The following RICTOR variants were observed in gnomAD, a reference collection of about 807,000 sequenced individuals.
RICTOR encodes rapamycin-insensitive companion of mTOR.
RICTOR carries 49 observed loss-of-function variants against 214.9 expected under a neutral mutation model. That is an observed-to-expected ratio of 0.23 (90% confidence interval 0.18 to 0.29). The LOEUF is 0.29. RICTOR is among the 10% of genes least tolerant of loss of function. The pLI is 1.00. For synonymous variants in RICTOR, 717 were observed against 711.3 expected, an observed-to-expected ratio of 1.01 and a Z score of -0.13; for missense variants, 1,625 against 2,047.0, an observed-to-expected ratio of 0.79 and a Z score of 3.98.
intron 3 of RICTOR, among the ~76,000 whole-genome samples, chr5:39,017,490 T>C (rs190529384): frequency 5.3e-5 from 8 of 152,204 alleles, no homozygotes; most frequent in Admixed American, 4.6e-4. Context: ...TACATGCCCA[T>C]ACTTTTGAAA....
intron 2 of RICTOR, among the ~76,000 whole-genome samples, chr5:39,065,556 A>G (rs1020937544): frequency 6.6e-6 from 1 of 152,182 alleles, no homozygotes; most frequent in African/African-American, 2.4e-5. Context: ...ATTAACTCTG[A>G]AGTCCAAAGT....
At chr5:39,006,766 G>T (rs1349041193) in intron 3 of RICTOR, among the ~76,000 whole-genome samples, 1 of 92,150 alleles carries the variant, frequency 1.1e-5, no homozygotes, top group African/African-American at 4.9e-5. Flanking sequence ...GGGAGAGGAG[G>T]GGAGAGGAGA....
chr5:38,962,320 T>A lies in RICTOR; in HGVS notation c.1710A>T (p.Leu570Phe). ...VNLRNYKDEQ[L>F]HRFVRRLLYF... ...GCAAAATAGTTCTTACATACCTGTG[T>A]AACTGTTCATCTTTATAGTTTCTTA... Residue 570 changes from leucine to phenylalanine, a missense_variant, in exon 19 of 38, where the codon TTA (leucine) becomes TTT (phenylalanine). Coordinates refer to ENST00000357387, the MANE Select transcript of RICTOR (RefSeq NM_152756.5). 7.1e-7 allele frequency: 1 copy of A among 1,414,018 alleles called. No individual in the cohort carries two copies. Among genetic ancestry groups the A allele is most frequent in the African/African-American group, 1.4e-5 (1 of 69,694 alleles). The allele number at this position is 1,414,018 out of a possible 1,614,324, so 87.6% of individuals were successfully genotyped here.
At chr5:38,942,444 A>G (rs1747672668) in intron 37 of RICTOR, 66 bp from the exon 38 acceptor site, 2 of 897,062 alleles carry the variant, frequency 2.2e-6, no homozygotes, top group South Asian at 2.3e-5. Context: ...TATTTATATA[A>G]ATATCTAATT....
At chr5:39,011,486 C>A (rs990243943) in intron 3 of RICTOR, among the ~76,000 whole-genome samples, 3 of 152,188 alleles carry the variant, frequency 2.0e-5, no homozygotes, top group Non-Finnish European at 4.4e-5. Context: ...CCACTATCCT[C>A]CAGACCCCAG....
intron 2 of RICTOR, among the ~76,000 whole-genome samples, chr5:39,064,971 C>G (rs952240681): frequency 5.3e-5 from 8 of 152,172 alleles, no homozygotes; most frequent in Non-Finnish European, 1.2e-4. Context: ...CAGATTAAAG[C>G]AGAACCTCGT....
chr5:39,070,952 C>CCAT (rs1366403648), intron 2 of RICTOR, among the ~76,000 whole-genome samples: 9 of 152,182 alleles, frequency 5.9e-5, no homozygotes, highest in Admixed American at 2.6e-4. Context: ...CTCAGAGCAA[C>CCAT]CATTACCAAT....
chr5:39,003,016 C>T (rs538461605), intron 4 of RICTOR, among the ~76,000 whole-genome samples: 5 of 152,150 alleles, frequency 3.3e-5, no homozygotes, highest in African/African-American at 9.6e-5. Context: ...TCTCTACAAT[C>T]GAATATCCTC....
At chr5:38,994,533 C>G (rs1243521577) in intron 6 of RICTOR, among the ~76,000 whole-genome samples, 1 of 147,834 alleles carries the variant, frequency 6.8e-6, no homozygotes, top group Non-Finnish European at 1.5e-5. Context: ...CAAATGTGCT[C>G]TCACTCTAAC....
chr5:38,947,375 A>G lies in RICTOR; in HGVS notation c.4203T>C (p.Asn1401=). ...KEDLLSPINQ[N]TLQRSSSVRS... ...GCACTGAGGAAGATCGTTGCAGGGT[A>G]TTTTGATTAATAGGACTCAATAAAT... The change falls in exon 32 of 38, where the codon AAT becomes AAC. Residue 1401 remains asparagine (N), a synonymous_variant. Coordinates refer to ENST00000357387, the MANE Select transcript of RICTOR (RefSeq NM_152756.5). 1 of 1,611,872 alleles carries G rather than the reference A, an allele frequency of 6.2e-7. No individual in the cohort carries two copies. The highest frequency in any genetic ancestry group is 8.5e-7 in the Non-Finnish European group (1 of 1,178,110).
Position 38,950,605 on chromosome 5 carries a change from A to G in RICTOR, c.3243T>C (p.Asp1081=). 2 of 1,613,274 alleles carry G rather than the reference A, an allele frequency of 1.2e-6. No homozygotes were observed. Among genetic ancestry groups the G allele is most frequent in the Non-Finnish European group, 1.7e-6 (2 of 1,179,446 alleles). The change falls in exon 31 of 38, where the codon GAT becomes GAC. Residue 1081 remains aspartate (D), a synonymous_variant. Transcript: ENST00000357387. ...TFYDRSGPIK[D]KNSFPFFASS... is the part of the protein sequence containing the mutation. ...AAGCAAAGAAAGGGAATGAATTTTT[A>G]TCCTTTATGGGTCCAGATCGGTCAT...
At chr5:38,976,304 G>A (rs1187214126) in intron 9 of RICTOR, among the ~76,000 whole-genome samples, 2 of 21,602 alleles carry the variant, frequency 9.3e-5, no homozygotes, top group South Asian at 1.2e-3. Flanking sequence ...TTTTTCCTGT[G>A]CCACCTTTTT....
In RICTOR at chr5:38,939,944, T is replaced by C. The variant is rs2112753097; in HGVS notation, c.*2360A>G. ...ATAAAGTCTACTTTTTACAAACAAG[T>C]ACTCAAAGAAAATGTATTAGACCTG... On this transcript the variant is annotated 3_prime_UTR_variant, in exon 38 of 38. Transcript: ENST00000357387. 4.4e-6 allele frequency: 1 copy of C among 228,380 alleles called. No homozygotes were observed. Among genetic ancestry groups the C allele is most frequent in the South Asian group, 1.8e-4 (1 of 5,478 alleles). 14.1% of individuals were successfully genotyped at this position (228,380 alleles called of 1,614,324 possible).
Position 38,946,497 on chromosome 5 carries a change from C to A in RICTOR, c.4370G>T (p.Gly1457Val). Residue 1457 changes from glycine (G) to valine (V), a missense_variant, in exon 33 of 38, where the codon GGT becomes GTT. By Grantham distance (109) the Gly-to-Val change is moderately radical (BLOSUM62 -3). Coordinates refer to ENST00000357387, the MANE Select transcript of RICTOR (RefSeq NM_152756.5). ...TKNIPPHDDR[G>V]ARAFAHDAGG... ...TGCATCATGGGCAAATGCTCTTGCA[C>A]CTCGATCATCATGTGGTGGTATGTT... 1 of 1,611,662 alleles carries A rather than the reference C, an allele frequency of 6.2e-7. No individual in the cohort carries two copies. Among genetic ancestry groups the A allele is most frequent in the Non-Finnish European group, 8.5e-7 (1 of 1,177,922 alleles).
chr5:38,990,717 T>TCATATATATATCA (rs1314731565), intron 7 of RICTOR, among the ~76,000 whole-genome samples: 3 of 128,550 alleles, frequency 2.3e-5, no homozygotes, highest in African/African-American at 8.4e-5. Flanking sequence ...ATGATATATA[T>TCATATATATATCA]GATATATATC....
chr5:39,066,223 C>CTTA (rs1758895365), intron 2 of RICTOR, among the ~76,000 whole-genome samples: 1 of 152,260 alleles, frequency 6.6e-6, no homozygotes, highest in Non-Finnish European at 1.5e-5. Context: ...GCCATCAAGT[C>CTTA]TTATGGCTTG....
rs538096410 is a variant in RICTOR at position 38,997,213 on chromosome 5, T to G, written c.393-331A>C. On this transcript the variant is annotated intron_variant, in intron 5 of 37. Coordinates refer to ENST00000357387, the MANE Select transcript of RICTOR (RefSeq NM_152756.5). ...AAAAATTCACTTATCTCTGATAAAA[T>G]TCAGACATTTTATAAAAATTGTAAA... Among the ~76,000 whole-genome samples, 29 of 152,284 alleles carry G rather than the reference T, an allele frequency of 1.9e-4. No homozygotes were observed. The East Asian group carries it at 5.4e-3, about 28-fold the overall frequency.
chr5:38,942,800 A>G, intron 37 of RICTOR, 33 bp downstream of exon 37: 1 of 1,492,300 alleles, frequency 6.7e-7, no homozygotes, highest in Non-Finnish European at 9.3e-7. Context: ...TTATTCTTGG[A>G]AGATAAATTT....
intron 7 of RICTOR, among the ~76,000 whole-genome samples, chr5:38,984,963 G>A (rs1457270116): frequency 1.3e-5 from 2 of 151,834 alleles, no homozygotes; most frequent in African/African-American, 2.4e-5. Flanking sequence ...GGGACTATAT[G>A]CGTACCTTTT....
Sources: gnomAD v4.1 joint callset for allele counts (sites outside exome capture counted in the v4.1 genomes callset) on GRCh38, gnomAD v4.1.1 for gene constraint, MANE v1.5 for transcripts, NCBI Gene and HGNC (gene_info 2026-07-23, HGNC 2026-07-21) for gene names.